TSPAN15: variants seen among roughly 807,000 people sequenced by gnomAD.
The protein encoded by TSPAN15 is tetraspanin 15, also known as tetraspanin-15.
In TSPAN15, 20 loss-of-function variants were observed where a neutral mutation model predicts 34.5. The observed-to-expected ratio is 0.58, with a 90% CI of 0.41 to 0.84. The LOEUF (loss-of-function observed/expected upper bound fraction) is 0.84, where lower values mean the gene tolerates loss of function less well. TSPAN15 is among the 40% of genes least tolerant of loss of function. The pLI, the probability that TSPAN15 is intolerant of heterozygous loss-of-function variation, is 0.00. For missense variants in TSPAN15, 313 were observed against 386.1 expected, an observed-to-expected ratio of 0.81 and a Z score of 1.59; for synonymous variants, 155 against 153.9, an observed-to-expected ratio of 1.01 and a Z score of -0.05.
chr10:69,505,656 A>G (rs1267829033), intron 6 of TSPAN15, among the ~76,000 whole-genome samples: 1 of 151,744 alleles, frequency 6.6e-6, no homozygotes, highest in African/African-American at 2.4e-5. Flanking sequence ...ACTCCTCCCA[A>G]CTGAGCCTCC....
intron 4 of TSPAN15, among the ~76,000 whole-genome samples, chr10:69,496,294 T>G (rs1211234856): frequency 6.7e-6 from 1 of 149,944 alleles, no homozygotes; most frequent in Non-Finnish European, 1.5e-5. Context: ...ATCTCTCCCC[T>G]CTAGGTCCAC....
intron 1 of TSPAN15, among the ~76,000 whole-genome samples, chr10:69,460,959 G>A (rs1433442556): frequency 6.6e-6 from 1 of 152,158 alleles, no homozygotes; most frequent in Non-Finnish European, 1.5e-5. Context: ...ACAAGTCATG[G>A]ACAACTCTCT....
At chr10:69,471,555 C>T (rs374006724) in intron 1 of TSPAN15, among the ~76,000 whole-genome samples, 47 of 147,226 alleles carry the variant, frequency 3.2e-4, no homozygotes, top group Non-Finnish European at 2.8e-4. Context: ...CTTTCTTTCT[C>T]TCTCACTCTC....
chr10:69,543,481 G>A, the TSPAN15 span, among the ~76,000 whole-genome samples: 1 of 152,170 alleles, frequency 6.6e-6, no homozygotes, highest in African/African-American at 2.4e-5. Context: ...GGTGACAACA[G>A]CAGTCCAAGG....
chr10:69,461,056 C>T (rs1216832211), intron 1 of TSPAN15, among the ~76,000 whole-genome samples: 2 of 152,126 alleles, frequency 1.3e-5, no homozygotes, highest in South Asian at 2.1e-4. Flanking sequence ...GCCCACAGAG[C>T]GCTGAGTGGG....
the TSPAN15 span, among the ~76,000 whole-genome samples, chr10:69,544,811 C>T: frequency 6.6e-6 from 1 of 152,216 alleles, no homozygotes; most frequent in African/African-American, 2.4e-5. Flanking sequence ...CTCTCCCTCC[C>T]CTTCGACTCG....
chr10:69,498,527 G>A, intron 5 of TSPAN15, 131 bp downstream of exon 5: 2 of 708,946 alleles, frequency 2.8e-6, no homozygotes, highest in Non-Finnish European at 4.7e-6. Flanking sequence ...GTTGGTGGCA[G>A]AGCGGAGGCT....
At chr10:69,545,512 G>A in the TSPAN15 span, among the ~76,000 whole-genome samples, 6 of 152,276 alleles carry the variant, frequency 3.9e-5, no homozygotes, top group African/African-American at 7.2e-5. Context: ...CTGCACAGTC[G>A]GAGGCAGTCA....
intron 5 of TSPAN15, among the ~76,000 whole-genome samples, chr10:69,499,214 T>C (rs989331230): frequency 6.6e-6 from 1 of 152,232 alleles, no homozygotes; most frequent in African/African-American, 2.4e-5. Flanking sequence ...ATGGCCCAGA[T>C]AGTCATGGAA....
At chr10:69,478,636 T>A (rs1325027779) in intron 1 of TSPAN15, among the ~76,000 whole-genome samples, 1 of 152,186 alleles carries the variant, frequency 6.6e-6, no homozygotes, top group Non-Finnish European at 1.5e-5. Context: ...TTTGGTTCTC[T>A]GGGGAAGCCC....
chr10:69,485,430 C>T (rs1353511332), intron 3 of TSPAN15, among the ~76,000 whole-genome samples: 11 of 152,020 alleles, frequency 7.2e-5, no homozygotes, highest in Non-Finnish European at 2.9e-5. Context: ...ATGGGAGGCC[C>T]GTGCTGAAAT....
In TSPAN15 at chr10:69,505,484, A is replaced by G. The variant is rs140375255; in HGVS notation, c.619-640A>G. On this transcript the variant is annotated intron_variant, in intron 6 of 7. Coordinates refer to ENST00000373290, the MANE Select transcript of TSPAN15 (RefSeq NM_012339.5). ...TGAACAATTCTTGATAAAGTTCTGA[A>G]TTAAATAATGTGTAATCATTCCTTA... 2.6e-5 allele frequency among the ~76,000 whole-genome samples: 4 copies of G among 152,312 alleles called. No homozygotes were observed. The East Asian group carries it at 7.7e-4, about 29-fold the overall frequency.
chr10:69,483,715 G>C lies in TSPAN15; in HGVS notation c.121G>C (p.Val41Leu), dbSNP rs1386647523. ...GCTGATTGGGGCCCTGGTCCTGTCT[G>C]TGGGCATCTATGCAGAGGTTGAGCG... ...FWLIGALVLSVGIYAEVERQK... is the reference protein window; with the variant it reads ...FWLIGALVLSLGIYAEVERQK... Residue 41 changes from valine (V) to leucine (L), a missense_variant, in exon 2 of 8, where the codon GTG (valine) becomes CTG (leucine). Coordinates refer to ENST00000373290, the MANE Select transcript of TSPAN15 (RefSeq NM_012339.5). The C allele has an allele frequency of 9.3e-6, 15 of 1,613,994 alleles. No individual in the cohort carries two copies. Among genetic ancestry groups the C allele is most frequent in the Non-Finnish European group, 1.3e-5 (15 of 1,179,994 alleles).
chr10:69,456,904 G>A (rs1841123880), intron 1 of TSPAN15, among the ~76,000 whole-genome samples: 1 of 152,206 alleles, frequency 6.6e-6, no homozygotes, highest in African/African-American at 2.4e-5. Context: ...GCAAAAGGGT[G>A]TGTTTGAGGC....
At chr10:69,468,845 G>A (rs1393130301) in intron 1 of TSPAN15, among the ~76,000 whole-genome samples, 2 of 151,904 alleles carry the variant, frequency 1.3e-5, no homozygotes, top group East Asian at 1.9e-4. Context: ...TTCCTGTGTT[G>A]TAAGAAATAT....
At chr10:69,467,599 G>C (rs905992109) in intron 1 of TSPAN15, among the ~76,000 whole-genome samples, 2 of 151,518 alleles carry the variant, frequency 1.3e-5, no homozygotes, top group Non-Finnish European at 2.9e-5. Context: ...GGGCAATAGG[G>C]TGAGACCTTG....
At chr10:69,464,620 G>A (rs145477300) in intron 1 of TSPAN15, among the ~76,000 whole-genome samples, 125 of 152,334 alleles carry the variant, frequency 8.2e-4, no homozygotes, top group African/African-American at 2.8e-3. Context: ...GCTGTAAAAC[G>A]TGGGATTCCC....
the TSPAN15 span, among the ~76,000 whole-genome samples, chr10:69,523,004 C>G: frequency 6.8e-6 from 1 of 147,862 alleles, no homozygotes; most frequent in Non-Finnish European, 1.5e-5. Context: ...AATCCAATGT[C>G]AGGAAGATTT....
At position 69,506,922 on chromosome 10, in the gene TSPAN15, G is replaced by A. The variant is rs751396720; in HGVS notation, c.829G>A (p.Ala277Thr). 41 of 1,609,378 alleles carry A rather than the reference G, an allele frequency of 2.5e-5. No homozygotes were observed. The East Asian group carries it at 8.7e-4, about 34-fold the overall frequency. Residue 277 changes from alanine (A) to threonine (T), a missense_variant, in exon 8 of 8, where the codon GCC becomes ACC. Ala to Thr is a moderately conservative substitution (Grantham distance 58). Coordinates refer to ENST00000373290, the MANE Select transcript of TSPAN15 (RefSeq NM_012339.5). This position sits in a 1 kb window ranked among gnomAD's most constrained non-coding sequence, Gnocchi z 4.7. ...CACTGATGGGCTCCTGGGGCCCGGT[G>A]CCAAGCCCAGCGTGGAGGCGGCAGG... ...SVTDGLLGPG[A>T]KPSVEAAGTG...
Sources: gnomAD v4.1 joint callset for allele counts (sites outside exome capture counted in the v4.1 genomes callset) on GRCh38, gnomAD v4.1.1 for gene constraint, Gnocchi (gnomAD v3.1) non-coding constraint, MANE v1.5 for transcripts, NCBI Gene and HGNC (gene_info 2026-07-23, HGNC 2026-07-21) for gene names.